The following PPP3R1 variants were observed in gnomAD, a reference collection of about 807,000 sequenced individuals.
PPP3R1 encodes protein phosphatase 3 regulatory subunit B, alpha, also known as calcineurin subunit B type 1.
A neutral mutation model predicts 22.6 loss-of-function variants in PPP3R1; 5 were observed. The observed-to-expected ratio is 0.22, with a 90% CI of 0.12 to 0.46. PPP3R1 has a LOEUF of 0.46. Among genes scored for constraint, PPP3R1 ranks in the 20% least tolerant of loss-of-function variants. The pLI is 0.99. For missense variants in PPP3R1, 61 were observed against 203.2 expected (o/e 0.30, Z 4.25); for synonymous variants, 56 against 65.2 (o/e 0.86, Z 0.68).
chr2:68,207,175 G>A (rs891132014), intron 2 of PPP3R1, among the ~76,000 whole-genome samples: 2 of 146,636 alleles, frequency 1.4e-5, no homozygotes, highest in Admixed American at 6.8e-5. Flanking sequence ...TTAATGTGGA[G>A]AAGGTCATTT....
chr2:68,221,307 G>GCAA (rs113004529), intron 1 of PPP3R1, among the ~76,000 whole-genome samples: 7,566 of 152,096 alleles, frequency 0.05, 602 homozygotes, highest in African/African-American at 0.17. Flanking sequence ...TCCAGCCTGG[G>GCAA]CAACAGAGCG....
intron 2 of PPP3R1, among the ~76,000 whole-genome samples, chr2:68,212,130 G>T (rs996000900): frequency 6.6e-6 from 1 of 152,166 alleles, no homozygotes; most frequent in Non-Finnish European, 1.5e-5. Flanking sequence ...GCCCAGGCTG[G>T]AGCGCAGTAG....
At chr2:68,226,130 A>C (rs1384921285) in intron 1 of PPP3R1, among the ~76,000 whole-genome samples, 3 of 152,218 alleles carry the variant, frequency 2.0e-5, no homozygotes, top group Non-Finnish European at 4.4e-5. Context: ...AAAAAAACAA[A>C]CTACAGTAAC....
At chr2:68,242,246 G>A (rs60258570) in intron 1 of PPP3R1, among the ~76,000 whole-genome samples, 24 of 152,172 alleles carry the variant, frequency 1.6e-4, no homozygotes, top group African/African-American at 5.3e-4. Context: ...GATCAACATG[G>A]TGAAACCCTG....
intron 2 of PPP3R1, among the ~76,000 whole-genome samples, chr2:68,198,105 CAT>C (rs1027469691): frequency 7.2e-5 from 6 of 83,130 alleles, no homozygotes; most frequent in African/African-American, 2.4e-4. Flanking sequence ...TATATGTAAA[CAT>C]ATATATGTAA....
At chr2:68,229,622 C>A (rs1019214556) in intron 1 of PPP3R1, among the ~76,000 whole-genome samples, 2 of 151,958 alleles carry the variant, frequency 1.3e-5, no homozygotes, top group African/African-American at 4.8e-5. Context: ...ATTGATTAAC[C>A]CTTTTATCAT....
Position 68,229,965 on chromosome 2 carries a change from T to TATAC in PPP3R1, c.4-12835_4-12834insGTAT, listed in dbSNP as rs1553408545. 2.0e-4 allele frequency among the ~76,000 whole-genome samples: 10 copies of TATAC among 49,532 alleles called. No homozygotes were observed. In the South Asian group the frequency reaches 2.8e-3, roughly 14 times the overall value. The allele number at this position is 49,532 out of a possible 152,430, so 32.5% of individuals were successfully genotyped here. ...GTGTATATATGTGTGTGTGTATATA[T>TATAC]ACACACATACACACACACACACACA... On this transcript the variant is annotated intron_variant, in intron 1 of 5. Transcript: ENST00000234310.
intron 1 of PPP3R1, among the ~76,000 whole-genome samples, chr2:68,249,891 TAA>T (rs780640496): frequency 7.9e-5 from 12 of 152,194 alleles, no homozygotes; most frequent in Non-Finnish European, 1.0e-4. Flanking sequence ...ATGTAAATAA[TAA>T]GAGTTCTAAG....
chr2:68,236,286 T>G (rs1198110803), intron 1 of PPP3R1, among the ~76,000 whole-genome samples: 1 of 152,206 alleles, frequency 6.6e-6, no homozygotes, highest in African/African-American at 2.4e-5. Flanking sequence ...ACTGCCACAC[T>G]CATTCATTTA....
At chr2:68,186,943 G>A (rs1440554218) in intron 4 of PPP3R1, among the ~76,000 whole-genome samples, 1 of 152,108 alleles carries the variant, frequency 6.6e-6, no homozygotes, top group Non-Finnish European at 1.5e-5. Context: ...AACCTCTCCG[G>A]TTCTTTAGAA....
chr2:68,231,074 A>T (rs994857307), intron 1 of PPP3R1, among the ~76,000 whole-genome samples: 2 of 152,066 alleles, frequency 1.3e-5, no homozygotes, highest in South Asian at 2.1e-4. Context: ...TACTTTTTCA[A>T]TCCTGCCCTC....
In PPP3R1 at chr2:68,225,388, C is replaced by T. The variant is rs529894642; in HGVS notation, c.4-8257G>A. Among the ~76,000 whole-genome samples, 20 of 152,252 alleles carry T rather than the reference C, an allele frequency of 1.3e-4. No homozygotes were observed. In the South Asian group the frequency reaches 3.5e-3, roughly 27 times the overall value. ...ATGGCATTGAATGCAGGCAGCCTGA[C>T]GGGGATAAGAGTGACCTCTAGTGAA... is the stretch of plus-strand genomic sequence containing the variant. On this transcript the variant is annotated intron_variant, in intron 1 of 5. Transcript: ENST00000234310.
chr2:68,214,010 C>T (rs1447013715), intron 2 of PPP3R1, among the ~76,000 whole-genome samples: 1 of 152,022 alleles, frequency 6.6e-6, no homozygotes, highest in Non-Finnish European at 1.5e-5. Flanking sequence ...TGTTGCACAC[C>T]TACAACAAAT....
chr2:68,211,437 A>G (rs1015168160), intron 2 of PPP3R1, among the ~76,000 whole-genome samples: 3 of 148,352 alleles, frequency 2.0e-5, no homozygotes, highest in African/African-American at 7.5e-5. Flanking sequence ...TCTATTGCTA[A>G]AAAATGCTAA....
intron 2 of PPP3R1, among the ~76,000 whole-genome samples, chr2:68,196,109 A>C (rs1343362887): frequency 6.6e-6 from 1 of 152,218 alleles, no homozygotes; most frequent in Non-Finnish European, 1.5e-5. Flanking sequence ...GCCATCAGAC[A>C]TGGCAAAATT....
At chr2:68,233,175 G>A (rs767477951) in intron 1 of PPP3R1, among the ~76,000 whole-genome samples, 19 of 152,152 alleles carry the variant, frequency 1.2e-4, no homozygotes, top group Non-Finnish European at 2.6e-4. Context: ...TAAATTAAAT[G>A]CAAAGAGATG....
Position 68,225,725 on chromosome 2 carries a change from A to C in PPP3R1, c.4-8594T>G, listed in dbSNP as rs1474187210. On this transcript the variant is annotated intron_variant, in intron 1 of 5. Coordinates refer to ENST00000234310, the MANE Select transcript of PPP3R1 (RefSeq NM_000945.4). ...TATGCGGCTAAAAATAAAAACACTG[A>C]CATACCAAAGTGTTGGTGAAGATGT... 3.9e-5 allele frequency among the ~76,000 whole-genome samples: 6 copies of C among 152,260 alleles called. No homozygotes were observed. The East Asian group carries it at 9.6e-4, about 24-fold the overall frequency.
intron 1 of PPP3R1, among the ~76,000 whole-genome samples, chr2:68,223,259 T>C (rs1252049757): frequency 6.6e-6 from 1 of 152,094 alleles, no homozygotes; most frequent in African/African-American, 2.4e-5. Flanking sequence ...CTGAGCATGA[T>C]GGTAGGCACC....
intron 2 of PPP3R1, among the ~76,000 whole-genome samples, chr2:68,211,542 C>CA (rs1243421833): frequency 2.0e-5 from 3 of 151,906 alleles, no homozygotes; most frequent in Non-Finnish European, 2.9e-5. Flanking sequence ...GTGGCTGTGA[C>CA]AATTTCTTAA....
Sources: gnomAD v4.1 joint callset for allele counts (sites outside exome capture counted in the v4.1 genomes callset) on GRCh38, gnomAD v4.1.1 for gene constraint, MANE v1.5 for transcripts, NCBI Gene and HGNC (gene_info 2026-07-23, HGNC 2026-07-21) for gene names.